Variants in DPYD observed in about 807,000 individuals in gnomAD.
DPYD encodes the protein dihydropyrimidine dehydrogenase.
Under a neutral mutation model 116.2 loss-of-function variants are expected in DPYD, and 109 were observed. That is an observed-to-expected ratio of 0.94 (90% CI 0.80 to 1.10). The LOEUF (loss-of-function observed/expected upper bound fraction) is 1.10. DPYD is among the 50% of genes least tolerant of loss of function. The probability of loss-of-function intolerance (pLI) is 0.00; values close to 1 mark genes in which losing one functional copy is unlikely to be tolerated. For synonymous variants in DPYD, 440 were observed against 432.0 expected (o/e 1.02, Z -0.23); for missense variants, 1,302 against 1,254.5 (o/e 1.04, Z -0.57).
chr1:97,768,342 T>A (rs1348195836), intron 3 of DPYD, among the ~76,000 whole-genome samples: 2 of 152,204 alleles, frequency 1.3e-5, no homozygotes, highest in South Asian at 2.1e-4. Flanking sequence ...AAAAACGAAC[T>A]CGTGTCCTGA....
chr1:97,790,846 G>A (rs1315463746), intron 3 of DPYD, among the ~76,000 whole-genome samples: 3 of 152,146 alleles, frequency 2.0e-5, no homozygotes, highest in Non-Finnish European at 2.9e-5. Flanking sequence ...TTGTAAGCAT[G>A]ATTAAAGATT....
At chr1:97,799,274 A>C (rs1667736799) in intron 3 of DPYD, among the ~76,000 whole-genome samples, 1 of 151,958 alleles carries the variant, frequency 6.6e-6, no homozygotes, top group South Asian at 2.1e-4. Context: ...AGCCAGTCAC[A>C]TTACATCAAG....
Position 97,123,743 on chromosome 1 carries a change from T to C in DPYD, c.2623-25111A>G, listed in dbSNP as rs1652622186. Among the ~76,000 whole-genome samples the C allele has an allele frequency of 2.6e-5, 4 of 152,318 alleles. No homozygotes were observed. The South Asian group carries it at 8.3e-4, about 32-fold the overall frequency. ...CTCTCATTTATCTTTCCCAAATTTA[T>C]TTTATAGTCTATCTAATCTTTAACA... is the stretch of plus-strand genomic sequence containing the variant. On this transcript the variant is annotated intron_variant, in intron 20 of 22. Transcript: ENST00000370192.
intron 2 of DPYD, among the ~76,000 whole-genome samples, chr1:97,882,089 T>C (rs1672254984): frequency 3.9e-5 from 6 of 151,938 alleles, no homozygotes; most frequent in Non-Finnish European, 8.8e-5. Context: ...GCTCTTATCA[T>C]TAAACTGCGT....
intron 3 of DPYD, among the ~76,000 whole-genome samples, chr1:97,752,544 C>G (rs1664991922): frequency 6.6e-6 from 1 of 152,134 alleles, no homozygotes; most frequent in South Asian, 2.1e-4. Flanking sequence ...CTCTGAGCCT[C>G]GGCTTCTATT....
At chr1:97,365,018 T>C (rs1027334960) in intron 16 of DPYD, among the ~76,000 whole-genome samples, 1 of 152,130 alleles carries the variant, frequency 6.6e-6, no homozygotes, top group Non-Finnish European at 1.5e-5. Flanking sequence ...AATTTTAAGG[T>C]CTTTGTGAAG....
intron 2 of DPYD, among the ~76,000 whole-genome samples, chr1:97,844,653 G>T (rs79025860): frequency 3.9e-5 from 6 of 152,156 alleles, no homozygotes; most frequent in Admixed American, 2.0e-4. Flanking sequence ...CATGGCCAGC[G>T]CTACACCCTC....
chr1:97,193,267 T>G lies in DPYD; in HGVS notation c.2443-19A>C, dbSNP rs1658512841. On this transcript the variant is annotated intron_variant, in intron 19 of 22. Transcript: ENST00000370192. ...TGCATACCTAGAAAAGACAGAGCAGTCAACCAAGTGTCAAACCAAGAGATA... is the reference window on the plus strand; with the variant it reads ...TGCATACCTAGAAAAGACAGAGCAGGCAACCAAGTGTCAAACCAAGAGATA... The G allele has an allele frequency of 6.2e-7, 1 of 1,610,970 alleles. No homozygotes were observed. The highest frequency in any genetic ancestry group is 8.5e-7 in the Non-Finnish European group (1 of 1,178,272).
intron 8 of DPYD, among the ~76,000 whole-genome samples, chr1:97,602,613 A>G (rs1655326118): frequency 6.6e-6 from 1 of 151,968 alleles, no homozygotes; most frequent in Admixed American, 6.6e-5. Flanking sequence ...TTTGGAAAAA[A>G]TACATAGATT....
intron 20 of DPYD, among the ~76,000 whole-genome samples, chr1:97,180,507 G>A (rs896123759): frequency 6.6e-6 from 1 of 151,902 alleles, no homozygotes; most frequent in Non-Finnish European, 1.5e-5. Flanking sequence ...AGAAGGAAAG[G>A]TAGGGCATGA....
At chr1:97,811,926 C>T (rs1668367388) in intron 3 of DPYD, among the ~76,000 whole-genome samples, 1 of 152,052 alleles carries the variant, frequency 6.6e-6, no homozygotes, top group African/African-American at 2.4e-5. Context: ...TTGAAGGTAT[C>T]ATTAAGATTA....
At chr1:97,709,519 A>G (rs1662165294) in intron 5 of DPYD, among the ~76,000 whole-genome samples, 1 of 151,752 alleles carries the variant, frequency 6.6e-6, no homozygotes, top group Non-Finnish European at 1.5e-5. Context: ...TCTTTCATTC[A>G]TCTAGAAAGT....
intron 2 of DPYD, among the ~76,000 whole-genome samples, chr1:97,882,361 G>C (rs1354313644): frequency 6.6e-6 from 1 of 151,826 alleles, no homozygotes; most frequent in Non-Finnish European, 1.5e-5. Context: ...ATAAATACAA[G>C]CACACATGAG....
intron 18 of DPYD, among the ~76,000 whole-genome samples, chr1:97,290,138 T>A (rs1666036209): frequency 6.6e-6 from 1 of 152,120 alleles, no homozygotes; most frequent in Non-Finnish European, 1.5e-5. Context: ...ACAAGGGACG[T>A]GAAGGACCTC....
At chr1:97,243,070 T>C (rs2100780298) in intron 18 of DPYD, among the ~76,000 whole-genome samples, 1 of 151,992 alleles carries the variant, frequency 6.6e-6, no homozygotes, top group South Asian at 2.1e-4. Context: ...ACAATGGAAC[T>C]TCCCTATTCC....
At chr1:97,128,703 G>A (rs1328710784) in intron 20 of DPYD, among the ~76,000 whole-genome samples, 1 of 152,162 alleles carries the variant, frequency 6.6e-6, no homozygotes, top group Non-Finnish European at 1.5e-5. Context: ...GACTCTTGCA[G>A]ACTGAACAGA....
intron 3 of DPYD, among the ~76,000 whole-genome samples, chr1:97,787,775 G>A (rs116282615): frequency 0.012 from 1,799 of 152,248 alleles, 13 homozygotes; most frequent in Middle Eastern, 0.044. Flanking sequence ...AAGAGGTGAA[G>A]ATATTTACAT....
At chr1:97,118,281 T>G (rs1652139379) in intron 20 of DPYD, among the ~76,000 whole-genome samples, 1 of 152,084 alleles carries the variant, frequency 6.6e-6, no homozygotes, top group Non-Finnish European at 1.5e-5. Context: ...CACCCTGAGC[T>G]CTCTTGATAA....
At chr1:97,405,149 CAT>C (rs1217604805) in intron 14 of DPYD, among the ~76,000 whole-genome samples, 1 of 151,968 alleles carries the variant, frequency 6.6e-6, no homozygotes, top group Non-Finnish European at 1.5e-5. Flanking sequence ...TACATAAGCA[CAT>C]ATATTATACG....
Sources: allele counts gnomAD v4.1 joint callset (sites outside exome capture counted in the v4.1 genomes callset), GRCh38; gene constraint gnomAD v4.1.1; transcripts MANE v1.5; gene names NCBI Gene and HGNC (gene_info 2026-07-23, HGNC 2026-07-21).